Variants in GEMIN8 observed in about 807,000 individuals in gnomAD.
GEMIN8 encodes the protein gem-associated protein 8.
For synonymous variants in GEMIN8, 80 were observed against 78.5 expected (o/e 1.02, Z -0.10); for missense variants, 185 against 205.9 (o/e 0.90, Z 0.62).
At chrX:13,996,728 T>C in the GEMIN8 span, among the ~76,000 whole-genome samples, 120 of 111,389 alleles carry the variant, frequency 1.1e-3, no homozygotes, top group African/African-American at 3.8e-3. Flanking sequence ...AGTAGATTAC[T>C]TGCAAAAAAG....
chrX:13,996,959 A>T, the GEMIN8 span, among the ~76,000 whole-genome samples: 1 of 77,731 alleles, frequency 1.3e-5, no homozygotes. Context: ...TTTTTTTGAG[A>T]CAGAGTCTCT....
downstream of GEMIN8, among the ~76,000 whole-genome samples, chrX:14,004,573 CTTTT>C (rs1291975299): frequency 8.9e-6 from 1 of 112,231 alleles, no homozygotes; most frequent in Admixed American, 9.4e-5. Flanking sequence ...CATTTTTATT[CTTTT>C]TCTTTTGTGA....
chrX:14,009,528 C>T (rs1923389623), intron 4 of GEMIN8, among the ~76,000 whole-genome samples: 1 of 110,474 alleles, frequency 9.1e-6, no homozygotes, highest in Non-Finnish European at 1.9e-5. Flanking sequence ...GCCCAGGTGA[C>T]AAAGCCAGAC....
chrX:13,994,124 T>C, the GEMIN8 span, among the ~76,000 whole-genome samples: 26 of 111,774 alleles, frequency 2.3e-4, no homozygotes, highest in East Asian at 7.3e-3. Context: ...AAACCAGCAA[T>C]GGCTGGGCCC....
chrX:13,994,459 ATT>A, the GEMIN8 span, among the ~76,000 whole-genome samples: 1 of 112,049 alleles, frequency 8.9e-6, no homozygotes, highest in Admixed American at 9.5e-5. Context: ...CCTTTGTCAC[ATT>A]TGTTACTCAG....
rs1230877718 is a variant in GEMIN8, at chrX:14,008,087, C to T, written c.*826G>A. On this transcript the variant is annotated 3_prime_UTR_variant, in exon 5 of 5. Transcript: ENST00000680255. ...CTCTGCCTCCTGGGTTCAAGCAATT[C>T]CCCTGCCTCAGTCTCCCACGTAGCT... 9.0e-6 allele frequency among the ~76,000 whole-genome samples: 1 copy of T among 110,572 alleles called. No individual in the cohort carries two copies. The highest frequency in any genetic ancestry group is 3.3e-5 in the African/African-American group (1 of 30,309).
the GEMIN8 span, among the ~76,000 whole-genome samples, chrX:13,985,178 T>G: frequency 4.2e-4 from 47 of 111,612 alleles, 1 homozygote; most frequent in East Asian, 0.011. Flanking sequence ...CAGGATTTTT[T>G]GGGTTATTTC....
In GEMIN8 at chrX:14,007,688, C is replaced by T. The variant is rs374186900; in HGVS notation, c.*1225G>A. Among the ~76,000 whole-genome samples, 102 of 109,802 alleles carry T rather than the reference C, an allele frequency of 9.3e-4. 3 individuals are homozygous for T. The South Asian group carries it at 0.031, about 33-fold the overall frequency. On this transcript the variant is annotated 3_prime_UTR_variant, in exon 5 of 5. Transcript: ENST00000680255. ...GACTACAGGTGCCCGCCACCACGCCCGGCTAATTTTTTGTATTTTTAGTAG... is the reference window on the plus strand; with the variant it reads ...GACTACAGGTGCCCGCCACCACGCCTGGCTAATTTTTTGTATTTTTAGTAG...
chrX:14,026,820 A>G (rs1160402606), intron 1 of GEMIN8, among the ~76,000 whole-genome samples: 1 of 112,916 alleles, frequency 8.9e-6, no homozygotes, highest in Non-Finnish European at 1.9e-5. Context: ...CTTTTCTACT[A>G]GAATTCTAAA....
chrX:14,014,346 T>C (rs1343232999), intron 4 of GEMIN8: 1 of 749,838 alleles, frequency 1.3e-6, no homozygotes, highest in Non-Finnish European at 1.6e-6. Flanking sequence ...CCAGCAGAAC[T>C]GGAGCCATTT....
Position 14,024,854 on chromosome X carries a change from T to C in GEMIN8, c.-34+1286A>G, listed in dbSNP as rs138685578. On this transcript the variant is annotated intron_variant, in intron 2 of 4. Transcript: ENST00000680255. ...TAATGATGGAGTGCAAGAAACTCTG[T>C]AGGCAATTTTGCTTTGCTTTGATTA... Among the ~76,000 whole-genome samples, 5 of 112,172 alleles carry C rather than the reference T, an allele frequency of 4.5e-5. No individual in the cohort carries two copies. The South Asian group carries it at 1.9e-3, about 42-fold the overall frequency.
At position 14,008,689 on chromosome X, in the gene GEMIN8, T is replaced by C. The variant is rs1387751501; in HGVS notation, c.*224A>G. The C allele has an allele frequency of 7.1e-6, 3 of 422,603 alleles. No individual in the cohort carries two copies. Among genetic ancestry groups the C allele is most frequent in the Non-Finnish European group, 1.2e-5 (3 of 243,492 alleles). 34.8% of individuals were successfully genotyped at this position (422,603 alleles called of 1,213,427 possible). A position where few individuals can be genotyped will look rare whatever the true frequency, so the allele number is the denominator to read the frequency against. On this transcript the variant is annotated 3_prime_UTR_variant, in exon 5 of 5. Transcript: ENST00000680255. The stretch of plus-strand genomic sequence containing the variant: ...ACCAGTATAGTATATGCAAAATTAT[T>C]TTATGTCAGGAGAAAATTTATCATG...
In GEMIN8 at chrX:14,008,864, C is replaced by T. The variant is rs373537573; in HGVS notation, c.*49G>A. On this transcript the variant is annotated 3_prime_UTR_variant, in exon 5 of 5. Transcript: ENST00000680255. Reference sequence around the variant, plus strand: ...AATGTACAGAAGGAGAGATAAAGAGCGTGTACCCAAAAGGAAGAAGGAGAG... The same window carrying T: ...AATGTACAGAAGGAGAGATAAAGAGTGTGTACCCAAAAGGAAGAAGGAGAG... 8.0e-6 allele frequency: 9 copies of T among 1,128,095 alleles called. No homozygotes were observed. The African/African-American group carries it at 9.0e-5, about 11-fold the overall frequency. The allele number at this position is 1,128,095 out of a possible 1,213,427, so 93.0% of individuals were successfully genotyped here. A position where few individuals can be genotyped will look rare whatever the true frequency, so the allele number is the denominator to read the frequency against.
At chrX:14,015,717 T>C (rs1264624056) in intron 4 of GEMIN8, among the ~76,000 whole-genome samples, 3 of 112,566 alleles carry the variant, frequency 2.7e-5, no homozygotes, top group Non-Finnish European at 3.8e-5. Flanking sequence ...CTAGTAACAT[T>C]TTCTAAAATC....
chrX:13,991,991 G>A, the GEMIN8 span, among the ~76,000 whole-genome samples: 6 of 112,094 alleles, frequency 5.4e-5, no homozygotes, highest in Admixed American at 5.7e-4. Flanking sequence ...ACTCCAAAAT[G>A]TCAGTGGCTT....
chrX:14,017,791 CCCTGTAATGA>C (rs1924033956), intron 4 of GEMIN8, among the ~76,000 whole-genome samples: 1 of 112,060 alleles, frequency 8.9e-6, no homozygotes, highest in Non-Finnish European at 1.9e-5. Flanking sequence ...GGATTAGGAT[CCCTGTAATGA>C]CCTCACTTAA....
intron 4 of GEMIN8, among the ~76,000 whole-genome samples, chrX:14,010,812 C>T (rs1437489040): frequency 1.8e-5 from 2 of 112,297 alleles, no homozygotes; most frequent in Admixed American, 1.9e-4. Flanking sequence ...GTATGATTAA[C>T]TCATTGGGCA....
chrX:14,028,577 G>A (rs755594057), intron 1 of GEMIN8, among the ~76,000 whole-genome samples: 2 of 109,506 alleles, frequency 1.8e-5, no homozygotes, highest in Non-Finnish European at 3.8e-5. Flanking sequence ...AGCCTTAACT[G>A]TTCAAAACTT....
chrX:14,014,394 C>A, intron 4 of GEMIN8: 2 of 753,234 alleles, frequency 2.7e-6, no homozygotes, highest in Non-Finnish European at 3.1e-6. Flanking sequence ...ATCCCTTGCC[C>A]CATGACAAAT....
Sources: allele counts gnomAD v4.1 joint callset (sites outside exome capture counted in the v4.1 genomes callset), GRCh38; gene constraint gnomAD v4.1.1; transcripts MANE v1.5; gene names NCBI Gene and HGNC (gene_info 2026-07-23, HGNC 2026-07-21).